RASAL2: variants seen among roughly 807,000 people sequenced by gnomAD.
The protein encoded by RASAL2 is ras GTPase-activating protein nGAP.
In RASAL2, 58 loss-of-function variants were observed where a neutral mutation model predicts 128.9. The observed-to-expected ratio is 0.45, with a 90% CI of 0.36 to 0.56. The LOEUF is 0.56. RASAL2 is among the 20% of genes least tolerant of loss of function. The pLI is 0.00. For synonymous variants in RASAL2, 561 were observed against 580.8 expected, an observed-to-expected ratio of 0.97 and a Z score of 0.49; for missense variants, 1,360 against 1,601.6, an observed-to-expected ratio of 0.85 and a Z score of 2.57.
rs191462342 is a variant in RASAL2 at position 178,403,214 on chromosome 1, C to T, written c.564+13008C>T. ...ATTTTCCAGATACTAAACTTTTCTT[C>T]CTTAACCACCAGATTTAGTTTGGTT... On this transcript the variant is annotated intron_variant, in intron 4 of 17. Transcript: ENST00000367649. 1.6e-4 allele frequency among the ~76,000 whole-genome samples: 24 copies of T among 152,284 alleles called. No individual in the cohort carries two copies. The East Asian group carries it at 4.2e-3, about 27-fold the overall frequency.
At chr1:178,126,428 A>G (rs1659902134) in intron 1 of RASAL2, among the ~76,000 whole-genome samples, 1 of 152,128 alleles carries the variant, frequency 6.6e-6, no homozygotes, top group African/African-American at 2.4e-5. Context: ...AGGATTCTAG[A>G]CTCTGGCCAT....
chr1:178,171,568 G>C (rs1163476211), intron 1 of RASAL2, among the ~76,000 whole-genome samples: 1 of 151,982 alleles, frequency 6.6e-6, no homozygotes, highest in Non-Finnish European at 1.5e-5. Flanking sequence ...GCACAGGTTG[G>C]TGTGGATTAT....
At chr1:178,118,767 A>G (rs1327068675) in intron 1 of RASAL2, among the ~76,000 whole-genome samples, 3 of 152,100 alleles carry the variant, frequency 2.0e-5, no homozygotes, top group Admixed American at 1.3e-4. Flanking sequence ...CAGCCACTTT[A>G]TCTGCTGACT....
intron 1 of RASAL2, among the ~76,000 whole-genome samples, chr1:178,189,922 G>T (rs1450156760): frequency 6.6e-6 from 1 of 152,136 alleles, no homozygotes; most frequent in African/African-American, 2.4e-5. Flanking sequence ...GGAAAACAAA[G>T]TTGAAACTAC....
Position 178,441,723 on chromosome 1 carries a change from A to G in RASAL2, c.927+76A>G, listed in dbSNP as rs1572080416. On this transcript the variant is annotated intron_variant, in intron 7 of 17. Transcript: ENST00000367649. ...ATTGATAGAAGGTAAGTGTGGTAGTAATACCTTAATTTGTCTATAGCTTGA... is the reference window on the plus strand; with the variant it reads ...ATTGATAGAAGGTAAGTGTGGTAGTGATACCTTAATTTGTCTATAGCTTGA... The G allele has an allele frequency of 3.6e-6, 4 of 1,115,746 alleles. No homozygotes were observed. The East Asian group carries it at 1.0e-4, about 28-fold the overall frequency. The allele number at this position is 1,115,746 out of a possible 1,614,324, so 69.1% of individuals were successfully genotyped here.
intron 1 of RASAL2, among the ~76,000 whole-genome samples, chr1:178,136,025 G>A (rs316268): frequency 0.95 from 145,367 of 152,312 alleles, 69,729 homozygotes; most frequent in East Asian, 1. Flanking sequence ...CATATCAACC[G>A]TATGAACTCT....
At chr1:178,248,659 A>C (rs1241652314) in intron 1 of RASAL2, among the ~76,000 whole-genome samples, 27 of 152,112 alleles carry the variant, frequency 1.8e-4, no homozygotes, top group African/African-American at 6.5e-4. Flanking sequence ...ATATTTTGTT[A>C]TGTTTTTGCA....
chr1:178,121,522 C>T (rs1225011098), intron 1 of RASAL2, among the ~76,000 whole-genome samples: 1 of 151,502 alleles, frequency 6.6e-6, no homozygotes. Flanking sequence ...GAGTCTCACT[C>T]TTGCCCAGGC....
At chr1:178,334,464 A>G (rs1669487673) in intron 3 of RASAL2, among the ~76,000 whole-genome samples, 1 of 151,066 alleles carries the variant, frequency 6.6e-6, no homozygotes, top group Admixed American at 6.6e-5. Flanking sequence ...TCAGCCTCCC[A>G]AGTAGCTGGG....
At chr1:178,095,334 T>C (rs1658634737) in intron 1 of RASAL2, among the ~76,000 whole-genome samples, 1 of 152,262 alleles carries the variant, frequency 6.6e-6, no homozygotes, top group Non-Finnish European at 1.5e-5. Flanking sequence ...TCTGCATTCC[T>C]GGTAACCACC....
intron 1 of RASAL2, among the ~76,000 whole-genome samples, chr1:178,275,046 G>A (rs1666431006): frequency 1.3e-5 from 2 of 152,136 alleles, no homozygotes; most frequent in Non-Finnish European, 2.9e-5. Flanking sequence ...GATTATGACT[G>A]ATCTATTGGG....
At chr1:178,348,574 C>T (rs578144385) in intron 3 of RASAL2, among the ~76,000 whole-genome samples, 23 of 152,298 alleles carry the variant, frequency 1.5e-4, no homozygotes, top group African/African-American at 4.3e-4. Flanking sequence ...GCTGGGATTA[C>T]AGGCATGAGC....
chr1:178,229,916 T>A (rs1663933022), intron 1 of RASAL2, among the ~76,000 whole-genome samples: 2 of 152,298 alleles, frequency 1.3e-5, no homozygotes, highest in African/African-American at 4.8e-5. Context: ...GCTTAGAAAG[T>A]TTCCATCACC....
chr1:178,216,190 A>G (rs1178453799), intron 1 of RASAL2, among the ~76,000 whole-genome samples: 4 of 152,174 alleles, frequency 2.6e-5, no homozygotes, highest in African/African-American at 4.8e-5. Flanking sequence ...AACTCATTTT[A>G]TGTTTTTTAC....
At chr1:178,261,845 G>A (rs1571730994) in intron 1 of RASAL2, among the ~76,000 whole-genome samples, 1 of 151,924 alleles carries the variant, frequency 6.6e-6, no homozygotes, top group South Asian at 2.1e-4. Context: ...GAACCTGGGA[G>A]GTGGAGGTTG....
intron 1 of RASAL2, among the ~76,000 whole-genome samples, chr1:178,136,445 G>C (rs565012863): frequency 1.4e-4 from 21 of 152,158 alleles, no homozygotes; most frequent in African/African-American, 3.9e-4. Context: ...GTGTTTCTTA[G>C]ATACTCTATT....
chr1:178,256,915 C>G (rs1228536391), intron 1 of RASAL2, among the ~76,000 whole-genome samples: 1 of 152,088 alleles, frequency 6.6e-6, no homozygotes, highest in South Asian at 2.1e-4. Context: ...CTCAGGTGAT[C>G]CACCTGCCTC....
At chr1:178,339,963 A>G (rs1669782036) in intron 3 of RASAL2, among the ~76,000 whole-genome samples, 1 of 152,194 alleles carries the variant, frequency 6.6e-6, no homozygotes, top group African/African-American at 2.4e-5. Context: ...CTTATAATTC[A>G]AACATAAATA....
chr1:178,112,988 A>G (rs968851772), intron 1 of RASAL2, among the ~76,000 whole-genome samples: 1 of 152,200 alleles, frequency 6.6e-6, no homozygotes, highest in African/African-American at 2.4e-5. Context: ...TTTTTCATTG[A>G]AAGTTTTATA....
Sources: allele counts gnomAD v4.1 joint callset (sites outside exome capture counted in the v4.1 genomes callset), GRCh38; gene constraint gnomAD v4.1.1; transcripts MANE v1.5; gene names NCBI Gene and HGNC (gene_info 2026-07-23, HGNC 2026-07-21).